ZNF407: variants seen among roughly 807,000 people sequenced by gnomAD.
ZNF407 encodes the protein zinc finger protein 407.
Under a neutral mutation model 131.2 loss-of-function variants are expected in ZNF407, and 17 were observed. The ratio of observed to expected loss-of-function variants is 0.13; its 90% CI spans 0.09 to 0.19. The LOEUF is 0.19. Among genes scored for constraint, ZNF407 ranks in the 10% least tolerant of loss-of-function variants. The pLI, the probability that ZNF407 is intolerant of heterozygous loss-of-function variation, is 1.00. For missense variants in ZNF407, 2,681 were observed against 2,830.6 expected, an observed-to-expected ratio of 0.95 and a Z score of 1.20; for synonymous variants, 1,156 against 1,062.0, an observed-to-expected ratio of 1.09 and a Z score of -1.72.
At chr18:74,761,757 ATCATAT>A (rs1371940840) in intron 3 of ZNF407, among the ~76,000 whole-genome samples, 1 of 152,166 alleles carries the variant, frequency 6.6e-6, no homozygotes, top group Non-Finnish European at 1.5e-5. Context: ...GTTCTTATGA[ATCATAT>A]TCAGTTCTTA....
intron 3 of ZNF407, among the ~76,000 whole-genome samples, chr18:74,723,639 C>T (rs950835616): frequency 2.0e-5 from 3 of 152,094 alleles, no homozygotes; most frequent in African/African-American, 7.2e-5. Flanking sequence ...CTCTCTTTTA[C>T]TTCTTATTCT....
At chr18:74,877,571 G>C (rs937743118) in intron 5 of ZNF407, among the ~76,000 whole-genome samples, 1 of 152,212 alleles carries the variant, frequency 6.6e-6, no homozygotes, top group African/African-American at 2.4e-5. Flanking sequence ...ATTTGTGCTT[G>C]TGTGTGAATG....
intron 4 of ZNF407, among the ~76,000 whole-genome samples, chr18:74,875,170 A>G (rs1971139059): frequency 6.6e-6 from 1 of 152,214 alleles, no homozygotes; most frequent in African/African-American, 2.4e-5. Context: ...TTATAAGGAC[A>G]GTTTACATAG....
At chr18:74,782,659 G>T (rs1008608949) in intron 4 of ZNF407, among the ~76,000 whole-genome samples, 1 of 151,262 alleles carries the variant, frequency 6.6e-6, no homozygotes, top group Non-Finnish European at 1.5e-5. Context: ...TTCCTCTGTC[G>T]CCCAGGCTGG....
At chr18:74,841,286 G>A (rs1309346270) in intron 4 of ZNF407, among the ~76,000 whole-genome samples, 1 of 152,238 alleles carries the variant, frequency 6.6e-6, no homozygotes, top group Non-Finnish European at 1.5e-5. Context: ...CCATAGGAAT[G>A]AGCAAGCCCT....
At chr18:74,817,018 A>AT (rs1399715868) in intron 4 of ZNF407, among the ~76,000 whole-genome samples, 5 of 152,098 alleles carry the variant, frequency 3.3e-5, no homozygotes, top group Admixed American at 3.3e-4. Flanking sequence ...ATTAGGGTTG[A>AT]TTTTTTATTG....
At chr18:74,771,276 T>G (rs1172838249) in intron 3 of ZNF407, among the ~76,000 whole-genome samples, 1 of 152,192 alleles carries the variant, frequency 6.6e-6, no homozygotes, top group South Asian at 2.1e-4. Context: ...CCTGTTAACT[T>G]ATGAATTTTG....
In ZNF407 at chr18:74,890,012, C is replaced by G; in HGVS notation, c.5223C>G (p.Pro1741=). The change falls in exon 7 of 9, where the codon CCC becomes CCG. Residue 1741 remains proline (P), a synonymous_variant. Coordinates refer to ENST00000299687, the MANE Select transcript of ZNF407 (RefSeq NM_017757.3). Reference sequence around the variant, plus strand: ...AACGTGTCCACACTGGAGAAAAGCCCTACAGATGCCCCTGGTGTGACTACA... The same window carrying G: ...AACGTGTCCACACTGGAGAAAAGCCGTACAGATGCCCCTGGTGTGACTACA... ...RHKRVHTGEK[P]YRCPWCDYRS... 6.3e-7 allele frequency: 1 copy of G among 1,598,170 alleles called. No individual in the cohort carries two copies. Among genetic ancestry groups the G allele is most frequent in the Non-Finnish European group, 8.5e-7 (1 of 1,172,086 alleles).
In ZNF407 at chr18:74,786,793, GTTTTTTTTTTTTTTTT is replaced by G. The variant is rs869103622; in HGVS notation, c.4877+5304_4877+5319del. 3.4e-5 allele frequency among the ~76,000 whole-genome samples: 3 copies of G among 89,348 alleles called. No homozygotes were observed. The Admixed American group carries it at 4.1e-4, about 12-fold the overall frequency. 58.6% of individuals were successfully genotyped at this position (89,348 alleles called of 152,430 possible). ...AATTGGTTTTAATGTAAAAAAGTAT[GTTTTTTTTTTTTTTTT>G]TTTTTTTTTTTTGGAGATGGAGTTT... On this transcript the variant is annotated intron_variant, in intron 4 of 8. Coordinates refer to ENST00000299687, the MANE Select transcript of ZNF407 (RefSeq NM_017757.3).
At chr18:74,846,870 T>C (rs1470761322) in intron 4 of ZNF407, among the ~76,000 whole-genome samples, 2 of 151,600 alleles carry the variant, frequency 1.3e-5, no homozygotes, top group African/African-American at 4.8e-5. Context: ...GGTGCACACC[T>C]GTAATCCCAG....
At chr18:74,991,651 C>T (rs1369528936) in intron 8 of ZNF407, among the ~76,000 whole-genome samples, 2 of 152,168 alleles carry the variant, frequency 1.3e-5, no homozygotes, top group African/African-American at 4.8e-5. Flanking sequence ...CCTTAATGGG[C>T]TTTCCATATA....
intron 4 of ZNF407, among the ~76,000 whole-genome samples, chr18:74,830,807 A>G (rs1970471995): frequency 6.6e-6 from 1 of 152,126 alleles, no homozygotes; most frequent in Non-Finnish European, 1.5e-5. Context: ...GAAACTGTAT[A>G]ATATATTATT....
At chr18:75,061,527 C>T (rs1451549774) in intron 8 of ZNF407, 2 of 152,436 alleles carry the variant, frequency 1.3e-5, no homozygotes, top group African/African-American at 2.4e-5. Context: ...CGTGTGCCCT[C>T]GTGCAGCGCC....
Position 74,810,193 on chromosome 18 carries a change from A to G in ZNF407, c.4877+28691A>G, listed in dbSNP as rs189580130. ...AAACTAGTGGGAAAGGGAGAGAGAG[A>G]TGAGGACCAACCTTTTGGAGCTCAT... On this transcript the variant is annotated intron_variant, in intron 4 of 8. Transcript: ENST00000299687. Among the ~76,000 whole-genome samples the G allele has an allele frequency of 2.6e-3, 399 of 152,248 alleles. 4 individuals are homozygous for G. Among genetic ancestry groups the G allele is most frequent in the African/African-American group, 9.1e-3 (377 of 41,538 alleles).
chr18:74,799,637 C>A (rs1599162578), intron 4 of ZNF407, among the ~76,000 whole-genome samples: 1 of 152,002 alleles, frequency 6.6e-6, no homozygotes, highest in Non-Finnish European at 1.5e-5. Context: ...GTCAGTATCT[C>A]TTTTCATTTG....
intron 1 of ZNF407, among the ~76,000 whole-genome samples, chr18:74,604,416 C>G (rs1480209366): frequency 1.3e-5 from 2 of 152,190 alleles, no homozygotes; most frequent in East Asian, 3.9e-4. Context: ...CCATAGGCCA[C>G]ACTTGAACAG....
intron 4 of ZNF407, among the ~76,000 whole-genome samples, chr18:74,842,915 G>A (rs372786170): frequency 6.6e-6 from 1 of 151,846 alleles, no homozygotes; most frequent in Non-Finnish European, 1.5e-5. Flanking sequence ...CAGGGTTTCT[G>A]CATGTTGGCC....
intron 4 of ZNF407, among the ~76,000 whole-genome samples, chr18:74,787,790 G>A (rs551265816): frequency 3.3e-5 from 5 of 152,128 alleles, no homozygotes; most frequent in East Asian, 3.9e-4. Context: ...TCTTCCTTTC[G>A]TAAATTGACT....
chr18:74,977,700 A>G (rs1972543425), intron 8 of ZNF407, among the ~76,000 whole-genome samples: 1 of 150,760 alleles, frequency 6.6e-6, no homozygotes. Context: ...AGTGTTCCTC[A>G]CTGGAGAGTC....
Sources: gnomAD v4.1 joint callset for allele counts (sites outside exome capture counted in the v4.1 genomes callset) on GRCh38, gnomAD v4.1.1 for gene constraint, MANE v1.5 for transcripts, NCBI Gene and HGNC (gene_info 2026-07-23, HGNC 2026-07-21) for gene names.